OTOGL: variants seen among roughly 807,000 people sequenced by gnomAD.
OTOGL encodes otogelin-like protein.
OTOGL carries 285 observed loss-of-function variants against 318.5 expected under a neutral mutation model. That is an observed-to-expected ratio of 0.89 (90% CI 0.81 to 0.99). OTOGL has a LOEUF of 0.99. OTOGL is among the 50% of genes least tolerant of loss of function. The probability of loss-of-function intolerance (pLI) is 0.00; values close to 1 mark genes in which losing one functional copy is unlikely to be tolerated. For missense variants in OTOGL, 2,899 were observed against 2,845.6 expected, an observed-to-expected ratio of 1.02 and a Z score of -0.43; for synonymous variants, 987 against 936.5, an observed-to-expected ratio of 1.05 and a Z score of -0.99.
rs543389641 is a variant in OTOGL, at chr12:80,233,101, A to G, written c.817+4A>G. 2.5e-6 allele frequency: 4 copies of G among 1,582,160 alleles called. No individual in the cohort carries two copies. The East Asian group carries it at 8.9e-5, about 35-fold the overall frequency. ...GATGATTTCATAATTCTGCAAGGTA[A>G]GTGAAGCAGAATAAATGTGTGGGTA... is the stretch of plus-strand genomic sequence containing the variant. On this transcript the variant is annotated splice_donor_region_variant and intron_variant, in intron 9 of 58. Coordinates refer to ENST00000547103, the MANE Select transcript of OTOGL (RefSeq NM_001378609.3).
At chr12:80,311,566 A>ACGTGTGCCACCAAGCT (rs56905496) in intron 30 of OTOGL, among the ~76,000 whole-genome samples, 10,515 of 151,944 alleles carry the variant, frequency 0.069, 1,235 homozygotes, top group African/African-American at 0.24. Flanking sequence ...GGGATTGTAG[A>ACGTGTGCCACCAAGCT]CGGCAAATTT....
chr12:80,160,637 A>T (rs1873446801), intron 1 of OTOGL, among the ~76,000 whole-genome samples: 2 of 152,172 alleles, frequency 1.3e-5, no homozygotes, highest in African/African-American at 4.8e-5. Context: ...TGCTGGTGGG[A>T]ATGTAAAGTA....
intron 1 of OTOGL, among the ~76,000 whole-genome samples, chr12:80,108,332 T>C (rs986379252): frequency 6.6e-6 from 1 of 152,092 alleles, no homozygotes; most frequent in Non-Finnish European, 1.5e-5. Flanking sequence ...ATAACAATTA[T>C]AATTCTGAAT....
intron 23 of OTOGL, 150 bp downstream of exon 23, chr12:80,270,304 A>G: frequency 1.5e-6 from 1 of 669,996 alleles, no homozygotes; most frequent in Admixed American, 3.0e-5. Flanking sequence ...GTGCTTCTTA[A>G]CTTTTTCCAC....
At chr12:80,229,153 C>T (rs1879138976) in intron 7 of OTOGL, 104 bp from the exon 8 acceptor site, 3 of 1,306,848 alleles carry the variant, frequency 2.3e-6, no homozygotes, top group Non-Finnish European at 2.1e-6. Flanking sequence ...TGTAAAGTGT[C>T]ATGGGACTAA....
At chr12:80,289,931 G>T (rs1427345113) in intron 26 of OTOGL, among the ~76,000 whole-genome samples, 1 of 152,066 alleles carries the variant, frequency 6.6e-6, no homozygotes, top group African/African-American at 2.4e-5. Context: ...GGTTCCAGGT[G>T]CCTCTGGGGT....
intron 5 of OTOGL, among the ~76,000 whole-genome samples, chr12:80,219,266 C>T (rs1351741756): frequency 6.6e-6 from 1 of 152,130 alleles, no homozygotes; most frequent in Non-Finnish European, 1.5e-5. Context: ...CATGCACCAC[C>T]ACACCCAGCT....
At chr12:80,197,235 A>G (rs1394212997) in intron 1 of OTOGL, among the ~76,000 whole-genome samples, 1 of 152,144 alleles carries the variant, frequency 6.6e-6, no homozygotes, top group African/African-American at 2.4e-5. Context: ...TTGATGGCTC[A>G]TGTCTCCCTA....
At chr12:80,294,534 A>C (rs1885255109) in intron 26 of OTOGL, among the ~76,000 whole-genome samples, 1 of 152,178 alleles carries the variant, frequency 6.6e-6, no homozygotes, top group Non-Finnish European at 1.5e-5. Flanking sequence ...ACAATGCCAT[A>C]ATCATCTTAA....
chr12:80,238,821 T>G, intron 9 of OTOGL, 30 bp from the exon 10 acceptor site: 1 of 1,471,096 alleles, frequency 6.8e-7, no homozygotes, highest in Middle Eastern at 1.7e-4. Context: ...CCTATTTGTG[T>G]GTGTGTGTGT....
At position 80,302,777 on chromosome 12, in the gene OTOGL, G is replaced by T. The variant is rs1203023038; in HGVS notation, c.3207G>T (p.Gln1069His). The T allele has an allele frequency of 6.7e-7, 1 of 1,494,356 alleles. No homozygotes were observed. The highest frequency in any genetic ancestry group is 2.3e-5 in the Admixed American group (1 of 43,906). 92.6% of individuals were successfully genotyped at this position (1,494,356 alleles called of 1,614,324 possible). Residue 1069 changes from glutamine to histidine, a missense_variant, in exon 28 of 59, where the codon CAG (glutamine) becomes CAT (histidine). Coordinates refer to ENST00000547103, the MANE Select transcript of OTOGL (RefSeq NM_001378609.3). Reference protein sequence around the residue: ...KTTIHIKVGPQWKNKLSGLCG... With the variant: ...KTTIHIKVGPHWKNKLSGLCG... ...CTATTCATATCAAAGTTGGGCCACAGTGGAAGGTAGGTCAACCTAAGCTCC... is the reference window on the plus strand; with the variant it reads ...CTATTCATATCAAAGTTGGGCCACATTGGAAGGTAGGTCAACCTAAGCTCC...
chr12:80,207,781 A>G (rs1876922795), intron 1 of OTOGL, among the ~76,000 whole-genome samples: 1 of 152,222 alleles, frequency 6.6e-6, no homozygotes, highest in African/African-American at 2.4e-5. Flanking sequence ...ATTGTCTTCT[A>G]AACAGATTTC....
At chr12:80,290,432 A>G (rs568131830) in intron 26 of OTOGL, among the ~76,000 whole-genome samples, 1 of 151,890 alleles carries the variant, frequency 6.6e-6, no homozygotes, top group Non-Finnish European at 1.5e-5. Flanking sequence ...AGTAGTAAGG[A>G]TGTAGAACAT....
chr12:80,363,315 A>G (rs528560125), intron 52 of OTOGL, among the ~76,000 whole-genome samples: 7 of 152,306 alleles, frequency 4.6e-5, no homozygotes, highest in South Asian at 2.1e-4. Context: ...CCTGTATAGG[A>G]TGAAAATCAT....
At chr12:80,300,781 T>G (rs1885706150) in intron 27 of OTOGL, among the ~76,000 whole-genome samples, 1 of 152,116 alleles carries the variant, frequency 6.6e-6, no homozygotes, top group Non-Finnish European at 1.5e-5. Context: ...ACAGAGTTCC[T>G]AGCAGGAGGA....
At chr12:80,221,699 A>G (rs1367137844) in intron 6 of OTOGL, among the ~76,000 whole-genome samples, 1 of 151,934 alleles carries the variant, frequency 6.6e-6, no homozygotes, top group Admixed American at 6.6e-5. Flanking sequence ...AGACTAGAAC[A>G]CTCTGATGCT....
At chr12:80,150,899 T>C (rs2137168766) in intron 1 of OTOGL, among the ~76,000 whole-genome samples, 1 of 152,350 alleles carries the variant, frequency 6.6e-6, no homozygotes, top group Non-Finnish European at 1.5e-5. Context: ...ATTATGCTAG[T>C]ATTTATAGTT....
At chr12:80,126,309 T>C (rs1362684713) in intron 1 of OTOGL, among the ~76,000 whole-genome samples, 2 of 152,230 alleles carry the variant, frequency 1.3e-5, no homozygotes, top group African/African-American at 4.8e-5. Context: ...CCAGTAGTCA[T>C]TCAGGAGCAG....
In OTOGL at chr12:80,194,793, G is replaced by C. The variant is rs183902084; in HGVS notation, c.-19-14620G>C. 7.8e-4 allele frequency among the ~76,000 whole-genome samples: 119 copies of C among 151,896 alleles called. 1 individual carries two copies. Among genetic ancestry groups the C allele is most frequent in the African/African-American group, 2.5e-3 (103 of 41,436 alleles). Reference sequence around the variant, plus strand: ...TTAAAATTTAAAAAAATAAACTTTCGCTTGTTTTCCTATTAGAAATCAGAA... The same window carrying C: ...TTAAAATTTAAAAAAATAAACTTTCCCTTGTTTTCCTATTAGAAATCAGAA... On this transcript the variant is annotated intron_variant, in intron 1 of 58. Coordinates refer to ENST00000547103, the MANE Select transcript of OTOGL (RefSeq NM_001378609.3).
Sources: allele counts gnomAD v4.1 joint callset (sites outside exome capture counted in the v4.1 genomes callset), GRCh38; gene constraint gnomAD v4.1.1; transcripts MANE v1.5; gene names NCBI Gene and HGNC (gene_info 2026-07-23, HGNC 2026-07-21).